The following LCORL variants were observed in gnomAD, a reference collection of about 807,000 sequenced individuals.
The protein encoded by LCORL is ligand-dependent nuclear receptor corepressor-like protein.
Under a neutral mutation model 141.8 loss-of-function variants are expected in LCORL, and 41 were observed. That is an observed-to-expected ratio of 0.29 (90% CI 0.23 to 0.38). The LOEUF is 0.38. Among genes scored for constraint, LCORL ranks in the 10% least tolerant of loss-of-function variants. The pLI is 1.00. For missense variants in LCORL, 1,759 were observed against 2,035.0 expected (o/e 0.86, Z 2.61); for synonymous variants, 618 against 694.1 (o/e 0.89, Z 1.72).
chr4:17,897,229 T>C lies in LCORL; in HGVS notation c.683-11068A>G, dbSNP rs1320866913. Among the ~76,000 whole-genome samples, 96 of 127,376 alleles carry C rather than the reference T, an allele frequency of 7.5e-4. 4 individuals are homozygous for C. The Middle Eastern group carries it at 0.011, about 15-fold the overall frequency. The allele number at this position is 127,376 out of a possible 152,430, so 83.6% of individuals were successfully genotyped here. ...TACTGATTTCTTTTTTTTTTTTTTT[T>C]TTTTTTTTTTTTTTTTTTTTTTAGG... On this transcript the variant is annotated intron_variant, in intron 5 of 7. Coordinates refer to ENST00000635767, the Ensembl canonical transcript of LCORL.
intron 4 of LCORL, among the ~76,000 whole-genome samples, chr4:17,946,324 T>TA (rs1738870748): frequency 6.6e-6 from 1 of 151,964 alleles, no homozygotes; most frequent in Non-Finnish European, 1.5e-5. Context: ...TAAAATTTGT[T>TA]AGACTGCTTT....
At chr4:17,930,504 G>A (rs1439474792) in intron 4 of LCORL, among the ~76,000 whole-genome samples, 1 of 152,094 alleles carries the variant, frequency 6.6e-6, no homozygotes, top group African/African-American at 2.4e-5. Flanking sequence ...TTTAAACCTA[G>A]GATATATGTG....
At chr4:18,002,467 T>C (rs2724469) in intron 1 of LCORL, among the ~76,000 whole-genome samples, 66,499 of 151,826 alleles carry the variant, frequency 0.44, 17,053 homozygotes, top group Non-Finnish European at 0.58. Flanking sequence ...AACCATATAG[T>C]ACAAACAAAA....
At chr4:17,927,104 G>T (rs778402928) in intron 4 of LCORL, among the ~76,000 whole-genome samples, 1 of 152,158 alleles carries the variant, frequency 6.6e-6, no homozygotes, top group Non-Finnish European at 1.5e-5. Context: ...AGACCTTCTG[G>T]ATAGCCTGCT....
chr4:17,884,865 C>T lies in LCORL; in HGVS notation c.776+1203G>A. ...ACTCCTTGCTTAGGTAACATCACTG[C>T]TTATGACACTTTTAAGTCTGTGAGA... On this transcript the variant is annotated intron_variant, in intron 6 of 7. Transcript: ENST00000635767. This position sits in a 1 kb window ranked among gnomAD's most constrained non-coding sequence, Gnocchi z 4.4. 2 of 507,650 alleles carry T rather than the reference C, an allele frequency of 3.9e-6. No homozygotes were observed. The highest frequency in any genetic ancestry group is 6.8e-6 in the Non-Finnish European group (2 of 293,638). The allele number at this position is 507,650 out of a possible 1,614,324, so 31.4% of individuals were successfully genotyped here.
intron 2 of LCORL, among the ~76,000 whole-genome samples, chr4:17,968,844 CCATT>C (rs1320129536): frequency 3.3e-5 from 5 of 152,102 alleles, no homozygotes; most frequent in Admixed American, 3.3e-4. Flanking sequence ...AGTTCATAAG[CCATT>C]CAAAAACAGT....
At chr4:17,936,360 G>GAAAAAAAAAAAAAAAAAA (rs10646952) in intron 4 of LCORL, among the ~76,000 whole-genome samples, 1 of 96,454 alleles carries the variant, frequency 1.0e-5, no homozygotes, top group Non-Finnish European at 2.3e-5. Flanking sequence ...GTCTCATAAT[G>GAAAAAAAAAAAAAAAAAA]AAAAAAAAAA....
intron 4 of LCORL, among the ~76,000 whole-genome samples, chr4:17,945,914 T>C (rs1298818544): frequency 6.6e-6 from 1 of 151,872 alleles, no homozygotes; most frequent in African/African-American, 2.4e-5. Flanking sequence ...TTTAAACACA[T>C]TTAAATACCA....
intron 4 of LCORL, among the ~76,000 whole-genome samples, chr4:17,944,774 C>G (rs143150269): frequency 2.0e-5 from 3 of 152,290 alleles, no homozygotes; most frequent in African/African-American, 7.2e-5. Flanking sequence ...TACGCACATA[C>G]TATTTTACAG....
At chr4:17,956,570 G>T (rs1327914192) in intron 4 of LCORL, among the ~76,000 whole-genome samples, 1 of 151,700 alleles carries the variant, frequency 6.6e-6, no homozygotes, top group African/African-American at 2.4e-5. Flanking sequence ...TATATCACAT[G>T]TTCTCATTCA....
Position 17,951,162 on chromosome 4 carries a change from C to G in LCORL, c.430+10741G>C, listed in dbSNP as rs144077389. ...ACCACTATATTTCACTCAACCAACT[C>G]TATAATCAATTAATCAGACATTTTA... On this transcript the variant is annotated intron_variant, in intron 4 of 7. Coordinates refer to ENST00000635767, the Ensembl canonical transcript of LCORL. Among the ~76,000 whole-genome samples the G allele has an allele frequency of 6.9e-3, 1,048 of 152,332 alleles. 17 individuals are homozygous for G. The highest frequency in any genetic ancestry group is 0.024 in the African/African-American group (1,008 of 41,560).
chr4:17,947,744 T>C (rs893700146), intron 4 of LCORL, among the ~76,000 whole-genome samples: 6 of 152,010 alleles, frequency 3.9e-5, no homozygotes, highest in African/African-American at 1.4e-4. Flanking sequence ...AGTATCACCA[T>C]CTGTATAGAG....
At chr4:17,987,612 A>C (rs534762209) in intron 1 of LCORL, among the ~76,000 whole-genome samples, 7 of 152,314 alleles carry the variant, frequency 4.6e-5, no homozygotes, top group East Asian at 3.9e-4. Context: ...ATTAAAAAAA[A>C]CTGACAAACT....
At chr4:17,868,675 A>G (rs745698671) in intron 7 of LCORL, among the ~76,000 whole-genome samples, 2 of 152,068 alleles carry the variant, frequency 1.3e-5, no homozygotes, top group East Asian at 1.9e-4. Context: ...CCCTGGATCT[A>G]TATTTGTGCT....
chr4:17,999,491 T>C (rs59432162), intron 1 of LCORL, among the ~76,000 whole-genome samples: 11,279 of 151,234 alleles, frequency 0.075, 1,437 homozygotes, highest in African/African-American at 0.26. Context: ...AAGACATCAC[T>C]AGGTGATAGG....
chr4:17,966,936 G>A (rs568804495), intron 2 of LCORL, among the ~76,000 whole-genome samples: 2 of 152,226 alleles, frequency 1.3e-5, no homozygotes, highest in East Asian at 1.9e-4. Flanking sequence ...TTACCCAAAT[G>A]AGTTGAAAAA....
intron 6 of LCORL, chr4:17,882,247 A>G (rs1727670230): frequency 2.0e-6 from 2 of 984,568 alleles, no homozygotes; most frequent in African/African-American, 1.7e-5. Flanking sequence ...AATTCAGCTA[A>G]AAGTATTCCT....
intron 1 of LCORL, among the ~76,000 whole-genome samples, chr4:17,976,574 T>C (rs1410883004): frequency 6.6e-6 from 1 of 152,164 alleles, no homozygotes; most frequent in Non-Finnish European, 1.5e-5. Flanking sequence ...ATATATAACT[T>C]ACTTAAAAAC....
chr4:18,010,535 C>T (rs1317918401), intron 1 of LCORL, among the ~76,000 whole-genome samples: 1 of 151,864 alleles, frequency 6.6e-6, no homozygotes, highest in African/African-American at 2.4e-5. Flanking sequence ...CTGCAACCTC[C>T]GCCTCCCGGG....
Sources: gnomAD v4.1 joint callset for allele counts (sites outside exome capture counted in the v4.1 genomes callset) on GRCh38, gnomAD v4.1.1 for gene constraint, Gnocchi (gnomAD v3.1) non-coding constraint, MANE v1.5 for transcripts, NCBI Gene and HGNC (gene_info 2026-07-23, HGNC 2026-07-21) for gene names.